Variants in TEC observed in about 807,000 individuals in gnomAD.
TEC encodes tyrosine-protein kinase Tec.
TEC carries 72 observed loss-of-function variants against 93.0 expected under a neutral mutation model. The observed-to-expected ratio is 0.77, with a 90% CI of 0.64 to 0.94. TEC has a LOEUF of 0.94. Ranked by LOEUF, TEC falls within the 40% of genes least tolerant of loss-of-function variation. The pLI is 0.00. For missense variants in TEC, 630 were observed against 757.9 expected, an observed-to-expected ratio of 0.83 and a Z score of 1.98; for synonymous variants, 249 against 247.7, an observed-to-expected ratio of 1.01 and a Z score of -0.05.
intron 9 of TEC, among the ~76,000 whole-genome samples, chr4:48,156,132 AG>A (rs1351185440): frequency 2.6e-5 from 4 of 152,180 alleles, no homozygotes; most frequent in African/African-American, 9.7e-5. Flanking sequence ...TATTTTACCA[AG>A]GCTTTGGGTA....
intron 1 of TEC, among the ~76,000 whole-genome samples, chr4:48,263,327 A>G (rs1316233360): frequency 6.6e-6 from 1 of 152,226 alleles, no homozygotes; most frequent in Non-Finnish European, 1.5e-5. Context: ...TTAAAATAAT[A>G]TTGGACTTAA....
At chr4:48,160,813 AAG>A (rs1230334060) in intron 8 of TEC, among the ~76,000 whole-genome samples, 1 of 107,200 alleles carries the variant, frequency 9.3e-6, no homozygotes, top group African/African-American at 3.3e-5. Context: ...GAGAAAGAGA[AAG>A]AGAGAGAGAC....
intron 14 of TEC, chr4:48,141,621 T>C: frequency 3.9e-6 from 2 of 518,932 alleles, no homozygotes; most frequent in South Asian, 6.1e-5. Context: ...GGTCAGAAAG[T>C]TGTATTTGCA....
At chr4:48,244,678 G>A (rs79569057) in intron 1 of TEC, among the ~76,000 whole-genome samples, 11,216 of 152,192 alleles carry the variant, frequency 0.074, 537 homozygotes, top group East Asian at 0.17. Context: ...TGTATATCAG[G>A]TACTGTGACA....
At chr4:48,152,722 A>G (rs1720225972) in intron 9 of TEC, among the ~76,000 whole-genome samples, 1 of 152,124 alleles carries the variant, frequency 6.6e-6, no homozygotes, top group South Asian at 2.1e-4. Context: ...TCACTCCCCT[A>G]CATCTGCCTC....
chr4:48,178,183 G>A (rs1354696290), intron 2 of TEC, among the ~76,000 whole-genome samples: 2 of 144,202 alleles, frequency 1.4e-5, no homozygotes, highest in Non-Finnish European at 3.0e-5. Flanking sequence ...CAGCCCTTGT[G>A]TAGTGAAGAG....
chr4:48,241,022 A>T (rs975612338), intron 1 of TEC, among the ~76,000 whole-genome samples: 5 of 152,216 alleles, frequency 3.3e-5, no homozygotes, highest in Non-Finnish European at 7.3e-5. Context: ...TGTAACAAAT[A>T]AAAATTATCA....
chr4:48,164,823 G>A (rs1720815344), intron 7 of TEC, among the ~76,000 whole-genome samples: 1 of 152,056 alleles, frequency 6.6e-6, no homozygotes, highest in Admixed American at 6.6e-5. Context: ...CCAACATGGC[G>A]AAACCCTATC....
chr4:48,228,337 A>G (rs761917200), intron 2 of TEC, 140 bp downstream of exon 2: 1 of 941,018 alleles, frequency 1.1e-6, no homozygotes, highest in Non-Finnish European at 1.5e-6. Flanking sequence ...ATACTCTGAA[A>G]TTCATCTTTC....
chr4:48,236,534 G>A (rs1431720426), intron 1 of TEC, among the ~76,000 whole-genome samples: 1 of 152,106 alleles, frequency 6.6e-6, no homozygotes, highest in Non-Finnish European at 1.5e-5. Context: ...CACCCGTCGC[G>A]GCCTCCCAAA....
intron 9 of TEC, 22 bp downstream of exon 9, chr4:48,156,658 A>T (rs769013390): frequency 3.8e-6 from 6 of 1,597,796 alleles, no homozygotes; most frequent in East Asian, 2.2e-5. Flanking sequence ...CTTAAGCCAA[A>T]CCCACAAGTA....
chr4:48,222,522 A>G (rs1577651959), intron 2 of TEC, among the ~76,000 whole-genome samples: 1 of 151,500 alleles, frequency 6.6e-6, no homozygotes, highest in Admixed American at 6.6e-5. Context: ...CAGATTAAAC[A>G]TTGCTTCTGA....
intron 14 of TEC, among the ~76,000 whole-genome samples, chr4:48,143,378 T>C (rs1719765821): frequency 1.3e-5 from 2 of 152,232 alleles, no homozygotes; most frequent in African/African-American, 4.8e-5. Flanking sequence ...TACTCAGTTT[T>C]TATCAGTTTT....
chr4:48,154,108 G>C (rs1011662969), intron 9 of TEC, among the ~76,000 whole-genome samples: 6 of 152,238 alleles, frequency 3.9e-5, no homozygotes, highest in African/African-American at 1.4e-4. Flanking sequence ...AAAGCTGGCA[G>C]TGACAACTCC....
At chr4:48,166,972 A>G (rs972663380) in intron 7 of TEC, among the ~76,000 whole-genome samples, 1 of 151,816 alleles carries the variant, frequency 6.6e-6, no homozygotes, top group Non-Finnish European at 1.5e-5. Context: ...GGCAGGTGGA[A>G]GAAGAGTGTG....
intron 1 of TEC, among the ~76,000 whole-genome samples, chr4:48,267,402 A>G (rs1724666883): frequency 6.6e-6 from 1 of 152,224 alleles, no homozygotes; most frequent in South Asian, 2.1e-4. Context: ...AGGCAAGCCC[A>G]AGCACAGGCG....
intron 1 of TEC, among the ~76,000 whole-genome samples, chr4:48,255,419 G>T (rs1223301825): frequency 2.6e-5 from 4 of 152,152 alleles, no homozygotes; most frequent in African/African-American, 2.4e-5. Flanking sequence ...TGCTCGGATT[G>T]GCCAAGGCTG....
intron 9 of TEC, among the ~76,000 whole-genome samples, chr4:48,156,312 T>C (rs1720397800): frequency 6.6e-6 from 1 of 152,210 alleles, no homozygotes; most frequent in African/African-American, 2.4e-5. Flanking sequence ...CATAAAGATG[T>C]TTATCTAACC....
chr4:48,225,710 C>CT (rs1011838354), intron 2 of TEC, among the ~76,000 whole-genome samples: 8 of 150,012 alleles, frequency 5.3e-5, no homozygotes, highest in South Asian at 2.1e-4. Context: ...CTTTTTTTTT[C>CT]TTTTTTTTTC....
Sources: gnomAD v4.1 joint callset for allele counts (sites outside exome capture counted in the v4.1 genomes callset) on GRCh38, gnomAD v4.1.1 for gene constraint, MANE v1.5 for transcripts, NCBI Gene and HGNC (gene_info 2026-07-23, HGNC 2026-07-21) for gene names.